SHISAL1: variants seen among roughly 807,000 people sequenced by gnomAD.
The protein encoded by SHISAL1 is protein shisa-like-1.
SHISAL1 carries 9 observed loss-of-function variants against 22.6 expected under a neutral mutation model. The observed-to-expected ratio is 0.40, with a 90% CI of 0.24 to 0.70. SHISAL1 has a LOEUF of 0.70. Among genes scored for constraint, SHISAL1 ranks in the 30% least tolerant of loss-of-function variants. The pLI, the probability that SHISAL1 is intolerant of heterozygous loss-of-function variation, is 0.39. For missense variants in SHISAL1, 246 were observed against 270.6 expected (o/e 0.91, Z 0.64); for synonymous variants, 119 against 115.4 (o/e 1.03, Z -0.20).
rs1230175541 is a variant in SHISAL1 at position 44,249,336 on chromosome 22, C to G, written c.*349G>C. 3.7e-6 allele frequency: 1 copy of G among 267,182 alleles called. No individual in the cohort carries two copies. The highest frequency in any genetic ancestry group is 7.1e-6 in the Non-Finnish European group (1 of 140,442). The allele number at this position is 267,182 out of a possible 1,614,324, so 16.6% of individuals were successfully genotyped here. A position where few individuals can be genotyped will look rare whatever the true frequency, so the allele number is the denominator to read the frequency against. ...CTTCGGTTTTCAACCACAGGTATAA[C>G]TCACAGGCCTCAATCCTCCTGGCTG... On this transcript the variant is annotated 3_prime_UTR_variant, in exon 5 of 5. Transcript: ENST00000381176.
At chr22:44,266,391 G>T (rs994680844) in intron 4 of SHISAL1, among the ~76,000 whole-genome samples, 1 of 148,996 alleles carries the variant, frequency 6.7e-6, no homozygotes, top group East Asian at 2.0e-4. Flanking sequence ...GTTTGTGTGT[G>T]TTTGTCGGAG....
the SHISAL1 span, among the ~76,000 whole-genome samples, chr22:44,323,056 TCCAC>T: frequency 3.2e-5 from 4 of 125,242 alleles, no homozygotes; most frequent in Non-Finnish European, 3.3e-5. Context: ...CATCCATCCA[TCCAC>T]CCACCTCACC....
At chr22:44,276,790 G>A (rs1354246041) in intron 4 of SHISAL1, among the ~76,000 whole-genome samples, 1 of 152,096 alleles carries the variant, frequency 6.6e-6, no homozygotes, top group Non-Finnish European at 1.5e-5. Context: ...AACGGGAGGT[G>A]GACAGGATTG....
chr22:44,321,500 C>T, the SHISAL1 span, among the ~76,000 whole-genome samples: 1 of 152,160 alleles, frequency 6.6e-6, no homozygotes, highest in African/African-American at 2.4e-5. Flanking sequence ...TGCTCCCCAT[C>T]CTCTGTCATC....
chr22:44,290,256 G>A (rs973576541), intron 3 of SHISAL1, among the ~76,000 whole-genome samples: 2 of 152,176 alleles, frequency 1.3e-5, no homozygotes, highest in Non-Finnish European at 2.9e-5. Context: ...CCTGCTGGGT[G>A]CAGTGGCTCA....
chr22:44,304,477 T>A (rs1475788151), intron 1 of SHISAL1, among the ~76,000 whole-genome samples: 2 of 152,190 alleles, frequency 1.3e-5, no homozygotes, highest in Non-Finnish European at 2.9e-5. Context: ...AAAATGCCAC[T>A]GAAACGCAGG....
intron 4 of SHISAL1, among the ~76,000 whole-genome samples, chr22:44,256,274 A>C (rs1206032615): frequency 8.1e-6 from 1 of 122,968 alleles, no homozygotes. Context: ...TCTCGACTCA[A>C]AGTGGAACTC....
rs1440219192 is a variant in SHISAL1 at position 44,249,411 on chromosome 22, C to G, written c.*274G>C. 1.2e-5 allele frequency: 5 copies of G among 402,090 alleles called. No homozygotes were observed. In the East Asian group the frequency reaches 2.2e-4, roughly 17 times the overall value. The allele number at this position is 402,090 out of a possible 1,614,324, so 24.9% of individuals were successfully genotyped here. A position where few individuals can be genotyped will look rare whatever the true frequency, so the allele number is the denominator to read the frequency against. Reference sequence around the variant, plus strand: ...TGGTCATCCTGAGTCCACAATGAGTCACCTCTCAGAAGCCACCAGCCCAAA... The same window carrying G: ...TGGTCATCCTGAGTCCACAATGAGTGACCTCTCAGAAGCCACCAGCCCAAA... On this transcript the variant is annotated 3_prime_UTR_variant, in exon 5 of 5. Coordinates refer to ENST00000381176, the MANE Select transcript of SHISAL1 (RefSeq NM_001099294.2).
intron 4 of SHISAL1, among the ~76,000 whole-genome samples, chr22:44,274,677 G>A (rs1222402658): frequency 6.6e-6 from 1 of 152,176 alleles, no homozygotes; most frequent in African/African-American, 2.4e-5. Context: ...GGTCATCGCT[G>A]ATTCAATAGG....
intron 3 of SHISAL1, among the ~76,000 whole-genome samples, chr22:44,288,178 G>T (rs191623862): frequency 8.7e-4 from 132 of 152,354 alleles, no homozygotes; most frequent in Middle Eastern, 6.8e-3. Context: ...CCTGCTTTAC[G>T]GATGGAAAAC....
chr22:44,326,934 C>T, the SHISAL1 span, among the ~76,000 whole-genome samples: 2 of 152,162 alleles, frequency 1.3e-5, no homozygotes, highest in South Asian at 2.1e-4. Flanking sequence ...CCCACACCCC[C>T]GACTCCCCAA....
rs1430953003 is a variant in SHISAL1, at chr22:44,311,011, A to C, written c.-33+1740T>G. 2.0e-5 allele frequency among the ~76,000 whole-genome samples: 3 copies of C among 152,268 alleles called. No individual in the cohort carries two copies. The East Asian group carries it at 5.8e-4, about 29-fold the overall frequency. ...GAGCAAACTTCCAGATGGGAACAGC[A>C]GAGATCCAGGCAGGAGATCTCCTTC... On this transcript the variant is annotated intron_variant, in intron 1 of 4. Coordinates refer to ENST00000381176, the MANE Select transcript of SHISAL1 (RefSeq NM_001099294.2).
chr22:44,284,897 G>GCCTGCCTTCCTTCCTTCCTTCCTTCCTT (rs570595554), intron 4 of SHISAL1, among the ~76,000 whole-genome samples: 14 of 134,594 alleles, frequency 1.0e-4, no homozygotes, highest in African/African-American at 3.8e-4. Context: ...CTGCCTTCCT[G>GCCTGCCTTCCTTCCTTCCTTCCTTCCTT]CCTTCCTTCC....
chr22:44,249,363 A>C lies in SHISAL1; in HGVS notation c.*322T>G, dbSNP rs2055030002. 3.1e-6 allele frequency: 1 copy of C among 318,038 alleles called. No homozygotes were observed. The highest frequency in any genetic ancestry group is 2.2e-5 in the African/African-American group (1 of 46,290). 19.7% of individuals were successfully genotyped at this position (318,038 alleles called of 1,614,324 possible). A position where few individuals can be genotyped will look rare whatever the true frequency, so the allele number is the denominator to read the frequency against. On this transcript the variant is annotated 3_prime_UTR_variant, in exon 5 of 5. Coordinates refer to ENST00000381176, the MANE Select transcript of SHISAL1 (RefSeq NM_001099294.2). The stretch of plus-strand genomic sequence containing the variant: ...CACAGGCCTCAATCCTCCTGGCTGG[A>C]ATCAGCCAGAGTTGCTTTGTCTTGG...
intron 4 of SHISAL1, among the ~76,000 whole-genome samples, chr22:44,261,333 C>T (rs2055123086): frequency 1.3e-5 from 2 of 151,850 alleles, no homozygotes; most frequent in Admixed American, 6.6e-5. Flanking sequence ...TCCCCTATCT[C>T]CACCTAGAAA....
At chr22:44,292,439 C>T (rs949372212) in intron 3 of SHISAL1, among the ~76,000 whole-genome samples, 1 of 152,212 alleles carries the variant, frequency 6.6e-6, no homozygotes, top group Non-Finnish European at 1.5e-5. Flanking sequence ...CAGATCTTGA[C>T]ACCAGTTGTT....
chr22:44,324,028 A>T, the SHISAL1 span, among the ~76,000 whole-genome samples: 1 of 152,190 alleles, frequency 6.6e-6, no homozygotes, highest in African/African-American at 2.4e-5. Context: ...CCAAGGCCAC[A>T]CAGCCAGGAG....
chr22:44,281,350 G>A (rs1317960940), intron 4 of SHISAL1, among the ~76,000 whole-genome samples: 1 of 152,162 alleles, frequency 6.6e-6, no homozygotes, highest in African/African-American at 2.4e-5. Context: ...GGAGGACGGA[G>A]GTCCAGATAG....
At chr22:44,263,007 T>TA (rs1459274125) in intron 4 of SHISAL1, among the ~76,000 whole-genome samples, 1 of 151,894 alleles carries the variant, frequency 6.6e-6, no homozygotes, top group Admixed American at 6.6e-5. Flanking sequence ...CAGCTTCTGT[T>TA]AGTTAGTTGG....
Sources: gnomAD v4.1 joint callset for allele counts (sites outside exome capture counted in the v4.1 genomes callset) on GRCh38, gnomAD v4.1.1 for gene constraint, MANE v1.5 for transcripts, NCBI Gene and HGNC (gene_info 2026-07-23, HGNC 2026-07-21) for gene names.